C4orf50: variants seen among roughly 807,000 people sequenced by gnomAD.
C4orf50 encodes uncharacterized protein C4orf50.
A neutral mutation model predicts 77.2 loss-of-function variants in C4orf50; 80 were observed. The ratio of observed to expected loss-of-function variants is 1.04; its 90% CI spans 0.87 to 1.25. The LOEUF is 1.25. Ranked by LOEUF, C4orf50 falls within the 50% of genes most tolerant of loss-of-function variation. C4orf50 has a pLI of 0.00. For missense variants in C4orf50, 1,257 were observed against 1,152.9 expected, an observed-to-expected ratio of 1.09 and a Z score of -1.31; for synonymous variants, 532 against 465.3, an observed-to-expected ratio of 1.14 and a Z score of -1.84.
At chr4:5,930,619 G>A (rs1378476303) in intron 7 of C4orf50, among the ~76,000 whole-genome samples, 15 of 152,228 alleles carry the variant, frequency 9.9e-5, no homozygotes, top group Non-Finnish European at 2.1e-4. Context: ...GCTCTGCATA[G>A]AGCGGGCATG....
downstream of C4orf50, among the ~76,000 whole-genome samples, chr4:5,954,982 C>T (rs770372305): frequency 1.3e-5 from 2 of 152,098 alleles, no homozygotes; most frequent in African/African-American, 4.8e-5. This position sits in a 1 kb window ranked among gnomAD's most constrained non-coding sequence, Gnocchi z 4.7. Context: ...CCTCTGCTGA[C>T]CTGCCCTGTG....
chr4:5,964,551 T>G (rs549572616), intron 33 of C4orf50, among the ~76,000 whole-genome samples: 1 of 151,900 alleles, frequency 6.6e-6, no homozygotes, highest in Non-Finnish European at 1.5e-5. Context: ...GGGTGGATCA[T>G]GAGGTCAGGA....
chr4:5,912,666 A>T (rs1052154799), intron 7 of C4orf50, among the ~76,000 whole-genome samples: 1 of 152,176 alleles, frequency 6.6e-6, no homozygotes, highest in South Asian at 2.1e-4. Context: ...AGGAAGGGGC[A>T]TGCCACACCA....
In C4orf50 at chr4:6,007,016, G is replaced by C. The variant is rs1309511243; in HGVS notation, c.963+980C>G. ...AAGCACATATGAGTCCCATGGCACA[G>C]CATGTTGAAGATTTTGTCTAGCGCA... On this transcript the variant is annotated intron_variant, in intron 25 of 33. Transcript: ENST00000531445. The surrounding 1 kb of genome is among the most constrained non-coding windows in gnomAD (Gnocchi z 4.1). Among the ~76,000 whole-genome samples the C allele has an allele frequency of 6.6e-6, 1 of 152,224 alleles. No individual in the cohort carries two copies. Among genetic ancestry groups the C allele is most frequent in the Non-Finnish European group, 1.5e-5 (1 of 68,042 alleles).
intron 25 of C4orf50, among the ~76,000 whole-genome samples, chr4:6,004,566 G>A (rs1185580577): frequency 9.2e-5 from 1 of 10,826 alleles, no homozygotes; most frequent in Admixed American, 5.7e-4. Context: ...GGTGATGGTG[G>A]TCATGGTGAT....
rs948576442 is a variant in C4orf50, at chr4:5,992,495, CCT to C, written c.1221+306_1221+307del. On this transcript the variant is annotated intron_variant, in intron 27 of 33. Transcript: ENST00000531445. This position sits in a 1 kb window ranked among gnomAD's most constrained non-coding sequence, Gnocchi z 5.0. ...CACAGCAGCCCTTGGAGTCTCATCTCCTCTCCAGAGCAGAGGTGGCAGCAACA... is the reference window on the plus strand; with the variant it reads ...CACAGCAGCCCTTGGAGTCTCATCTCCTCCAGAGCAGAGGTGGCAGCAACA... 3.9e-5 allele frequency among the ~76,000 whole-genome samples: 6 copies of C among 152,018 alleles called. No individual in the cohort carries two copies. The highest frequency in any genetic ancestry group is 8.8e-5 in the Non-Finnish European group (6 of 67,984).
chr4:6,006,019 A>T (rs1280451910), intron 25 of C4orf50, among the ~76,000 whole-genome samples: 1 of 152,198 alleles, frequency 6.6e-6, no homozygotes, highest in Admixed American at 6.5e-5. Context: ...ATCTGTGCAC[A>T]CTTGTTTTCC....
Position 5,990,843 on chromosome 4 carries a change from G to T in C4orf50, c.1222-19C>A. Reference sequence around the variant, plus strand: ...GAGTAAGCTACAAATGGAGAGAGAAGATGAGGTGTGAAACAGCCCCTTCCT... The same window carrying T: ...GAGTAAGCTACAAATGGAGAGAGAATATGAGGTGTGAAACAGCCCCTTCCT... On this transcript the variant is annotated intron_variant, in intron 27 of 33. Transcript: ENST00000531445. 1 of 399,136 alleles carries T rather than the reference G, an allele frequency of 2.5e-6. No homozygotes were observed. Among genetic ancestry groups the T allele is most frequent in the Non-Finnish European group, 4.4e-6 (1 of 226,184 alleles). 24.7% of individuals were successfully genotyped at this position (399,136 alleles called of 1,614,324 possible).
chr4:5,959,011 C>T (rs1357118098), exon 34 of C4orf50: 1 of 222,758 alleles, frequency 4.5e-6, no homozygotes, highest in Non-Finnish European at 9.0e-6. Context: ...CACCAGATGC[C>T]AGTAGCAGTG....
At chr4:5,998,824 C>T (rs927646486) in intron 25 of C4orf50, among the ~76,000 whole-genome samples, 7 of 152,258 alleles carry the variant, frequency 4.6e-5, no homozygotes, top group Non-Finnish European at 1.0e-4. Context: ...CCAGTGCACA[C>T]TCATGGGAAA....
Position 6,008,769 on chromosome 4 carries a change from C to T in C4orf50, c.427-237G>A, listed in dbSNP as rs1722361797. On this transcript the variant is annotated intron_variant, in intron 24 of 33. Coordinates refer to ENST00000531445, the Ensembl canonical transcript of C4orf50. This position sits in a 1 kb window ranked among gnomAD's most constrained non-coding sequence, Gnocchi z 6.0. The stretch of plus-strand genomic sequence containing the variant: ...CACCCTAGTCTGGGCCCTGCACCTT[C>T]AACAGCTCCCTGAGTCCTGGAAGGG... 6.6e-6 allele frequency among the ~76,000 whole-genome samples: 1 copy of T among 152,216 alleles called. No homozygotes were observed. The highest frequency in any genetic ancestry group is 6.5e-5 in the Admixed American group (1 of 15,292).
At chr4:5,935,569 C>T (rs922138575) in intron 7 of C4orf50, among the ~76,000 whole-genome samples, 4 of 152,038 alleles carry the variant, frequency 2.6e-5, no homozygotes, top group Admixed American at 1.3e-4. Context: ...AGGCGGATAA[C>T]GAGGTCAGGA....
chr4:5,945,477 C>T (rs1199207046), intron 7 of C4orf50, among the ~76,000 whole-genome samples: 3 of 152,332 alleles, frequency 2.0e-5, no homozygotes, highest in East Asian at 3.9e-4. Flanking sequence ...CATTGACAAA[C>T]ATGGCTCGTG....
chr4:5,953,347 C>G (rs776282116), downstream of C4orf50, among the ~76,000 whole-genome samples: 1 of 152,186 alleles, frequency 6.6e-6, no homozygotes, highest in Non-Finnish European at 1.5e-5. Flanking sequence ...TTGACTTACA[C>G]AGAGAGGTTA....
chr4:5,923,996 C>A (rs1234419459), intron 7 of C4orf50, among the ~76,000 whole-genome samples: 1 of 152,102 alleles, frequency 6.6e-6, no homozygotes, highest in African/African-American at 2.4e-5. Flanking sequence ...GGATGCTTCC[C>A]GCTCCTGAAC....
At chr4:6,004,124 A>AGTGATGATGGTGATGGTGATGATG (rs1560598561) in intron 25 of C4orf50, among the ~76,000 whole-genome samples, 1 of 19,746 alleles carries the variant, frequency 5.1e-5, no homozygotes, top group African/African-American at 1.9e-4. Context: ...TGATGGTGAT[A>AGTGATGATGGTGATGGTGATGATG]GTGATGATGG....
intron 29 of C4orf50, among the ~76,000 whole-genome samples, chr4:5,977,633 T>C (rs1720360365): frequency 6.6e-6 from 1 of 152,236 alleles, no homozygotes; most frequent in Non-Finnish European, 1.5e-5. Context: ...TCTGTTTCTT[T>C]GTTTTACAAA....
chr4:5,996,838 G>T (rs916636227), intron 25 of C4orf50, among the ~76,000 whole-genome samples: 4 of 152,248 alleles, frequency 2.6e-5, no homozygotes, highest in African/African-American at 9.6e-5. Flanking sequence ...TGCACCCAGA[G>T]GGCCTTGCTG....
At chr4:5,984,085 C>G (rs1404194846) in intron 28 of C4orf50, among the ~76,000 whole-genome samples, 1 of 152,184 alleles carries the variant, frequency 6.6e-6, no homozygotes, top group Non-Finnish European at 1.5e-5. Context: ...AGGCCATGCC[C>G]TAAGAGCAAG....
Sources: allele counts gnomAD v4.1 joint callset (sites outside exome capture counted in the v4.1 genomes callset), GRCh38; gene constraint gnomAD v4.1.1; non-coding constraint Gnocchi (gnomAD v3.1); transcripts MANE v1.5; gene names NCBI Gene and HGNC (gene_info 2026-07-23, HGNC 2026-07-21).